FNDC3A: variants seen among roughly 807,000 people sequenced by gnomAD.
FNDC3A encodes the protein fibronectin type-III domain-containing protein 3A.
A neutral mutation model predicts 148.9 loss-of-function variants in FNDC3A; 32 were observed. The observed-to-expected ratio is 0.21, with a 90% CI of 0.16 to 0.29. FNDC3A has a LOEUF of 0.29. Among genes scored for constraint, FNDC3A ranks in the 10% least tolerant of loss-of-function variants. FNDC3A has a pLI of 1.00. For missense variants in FNDC3A, 1,191 were observed against 1,452.8 expected (o/e 0.82, Z 2.93); for synonymous variants, 472 against 473.6 (o/e 1.00, Z 0.04).
intron 3 of FNDC3A, chr13:49,110,417 C>A (rs779481563): frequency 6.5e-7 from 1 of 1,544,914 alleles, no homozygotes; most frequent in South Asian, 1.1e-5. Context: ...GTAAGATTTG[C>A]TGTTTTCGAA....
intron 8 of FNDC3A, among the ~76,000 whole-genome samples, chr13:49,150,114 T>C (rs1268773789): frequency 3.3e-5 from 5 of 152,162 alleles, no homozygotes; most frequent in Non-Finnish European, 7.4e-5. Flanking sequence ...TGATTTTTTA[T>C]TTGTTTTAGA....
At position 49,184,542 on chromosome 13, in the gene FNDC3A, G is replaced by A. The variant is rs751776350; in HGVS notation, c.1618-1422G>A. 3.9e-5 allele frequency among the ~76,000 whole-genome samples: 6 copies of A among 152,278 alleles called. No individual in the cohort carries two copies. The East Asian group carries it at 7.7e-4, about 20-fold the overall frequency. ...ATGTCTCCTTTTTGTAAGGTCAACC[G>A]AGAGGAAGAATAGACCCAAAGTCAG... is the stretch of plus-strand genomic sequence containing the variant. On this transcript the variant is annotated intron_variant, in intron 14 of 25. Coordinates refer to ENST00000492622, the MANE Select transcript of FNDC3A (RefSeq NM_001079673.2).
In FNDC3A at chr13:48,990,720, C is replaced by G. The variant is rs150025402; in HGVS notation, c.-40+14543C>G. Among the ~76,000 whole-genome samples, 14 of 152,062 alleles carry G rather than the reference C, an allele frequency of 9.2e-5. No individual in the cohort carries two copies. In the East Asian group the frequency reaches 2.5e-3, roughly 27 times the overall value. On this transcript the variant is annotated intron_variant, in intron 1 of 25. Coordinates refer to ENST00000492622, the MANE Select transcript of FNDC3A (RefSeq NM_001079673.2). ...GAGATTGCAGTGAGCTGAGATCACA[C>G]CACTGCATTCTAGCCTGGGCAATAG...
intron 2 of FNDC3A, among the ~76,000 whole-genome samples, chr13:49,011,319 C>T (rs1423481272): frequency 2.6e-5 from 4 of 151,874 alleles, no homozygotes; most frequent in Non-Finnish European, 4.4e-5. Context: ...CTGCAACCTC[C>T]GCCTCCCAGG....
chr13:49,030,533 C>T (rs1353295416), intron 2 of FNDC3A, among the ~76,000 whole-genome samples: 1 of 151,992 alleles, frequency 6.6e-6, no homozygotes, highest in Non-Finnish European at 1.5e-5. Flanking sequence ...AAATAAGTAA[C>T]TAAAGGAATT....
At chr13:49,131,470 A>G in intron 5 of FNDC3A, 96 bp downstream of exon 5, 1 of 911,424 alleles carries the variant, frequency 1.1e-6, no homozygotes, top group Non-Finnish European at 1.8e-6. Context: ...AAAAACAGCA[A>G]ATGGTAATGA....
intron 3 of FNDC3A, among the ~76,000 whole-genome samples, chr13:49,105,032 A>G (rs977440711): frequency 6.6e-6 from 1 of 152,216 alleles, no homozygotes; most frequent in Non-Finnish European, 1.5e-5. Context: ...TTTGCAACCA[A>G]TGTAACCGTA....
At position 49,131,258 on chromosome 13, in the gene FNDC3A, T is replaced by C; in HGVS notation, c.374T>C (p.Val125Ala). Reference protein sequence around the residue: ...PHPPLPGFIPVPTMMPPPPRH... With the variant: ...PHPPLPGFIPAPTMMPPPPRH... ...CCTCCTCTACCTGGTTTCATTCCTG[T>C]CCCAACTATGATGCCGCCTCCACCA... The change falls in exon 5 of 26, where the codon GTC (valine) becomes GCC (alanine). Residue 125 changes from valine (V) to alanine (A), a missense_variant. Physicochemically the swap from Val to Ala is moderately conservative, Grantham distance 64. This residue lies in a region of FNDC3A where 426 missense variants were observed against 473.2 expected (regional missense o/e 0.90). Coordinates refer to ENST00000492622, the MANE Select transcript of FNDC3A (RefSeq NM_001079673.2). 6.2e-7 allele frequency: 1 copy of C among 1,614,014 alleles called. No homozygotes were observed. The highest frequency in any genetic ancestry group is 8.5e-7 in the Non-Finnish European group (1 of 1,179,980).
Position 49,006,176 on chromosome 13 carries a change from A to T in FNDC3A, c.-15A>T, listed in dbSNP as rs1313021276. The T allele has an allele frequency of 7.0e-7, 1 of 1,423,656 alleles. No individual in the cohort carries two copies. Among genetic ancestry groups the T allele is most frequent in the Non-Finnish European group, 9.9e-7 (1 of 1,011,774 alleles). The allele number at this position is 1,423,656 out of a possible 1,614,324, so 88.2% of individuals were successfully genotyped here. ...GAATTGGAGCGTTATTCAGTATATT[A>T]ATGTCTTATTGATAATGGCAGAACA... is the stretch of plus-strand genomic sequence containing the variant. On this transcript the variant is annotated 5_prime_UTR_variant, in exon 2 of 26. Coordinates refer to ENST00000492622, the MANE Select transcript of FNDC3A (RefSeq NM_001079673.2).
chr13:49,155,127 G>T (rs1468254834), intron 8 of FNDC3A, among the ~76,000 whole-genome samples: 188 of 148,328 alleles, frequency 1.3e-3, no homozygotes, highest in African/African-American at 4.5e-3. Context: ...GATAGAATTC[G>T]GCTGTGAATC....
chr13:49,185,251 C>T (rs1203204462), intron 14 of FNDC3A, among the ~76,000 whole-genome samples: 1 of 152,060 alleles, frequency 6.6e-6, no homozygotes, highest in Admixed American at 6.5e-5. Flanking sequence ...AACAAATTAT[C>T]CCAAAATTTA....
chr13:49,038,179 T>G (rs566985819), intron 2 of FNDC3A, among the ~76,000 whole-genome samples: 213 of 152,314 alleles, frequency 1.4e-3, no homozygotes, highest in African/African-American at 5.0e-3. Flanking sequence ...CATCTCCTTC[T>G]GGAGCCTGGG....
chr13:49,041,813 C>CAAA (rs771071135), intron 2 of FNDC3A, among the ~76,000 whole-genome samples: 3 of 64,354 alleles, frequency 4.7e-5, no homozygotes, highest in African/African-American at 1.5e-4. Flanking sequence ...GACTCTGTCT[C>CAAA]AAAAAAAAAA....
At chr13:49,147,031 A>C (rs577456261) in intron 8 of FNDC3A, among the ~76,000 whole-genome samples, 2 of 152,292 alleles carry the variant, frequency 1.3e-5, no homozygotes, top group East Asian at 3.9e-4. Flanking sequence ...GAAGAAAGGA[A>C]AGTGAAACTG....
At chr13:49,020,659 A>C (rs1873253972) in intron 2 of FNDC3A, among the ~76,000 whole-genome samples, 1 of 152,198 alleles carries the variant, frequency 6.6e-6, no homozygotes, top group Admixed American at 6.5e-5. Flanking sequence ...CAAACTTGCC[A>C]TCAGTGTTGG....
At chr13:49,179,451 G>T (rs969911967) in intron 14 of FNDC3A, among the ~76,000 whole-genome samples, 16 of 152,070 alleles carry the variant, frequency 1.1e-4, no homozygotes, top group South Asian at 2.1e-4. Context: ...TGTGTACCCT[G>T]TGAGCATCTT....
At chr13:49,172,810 A>G (rs574036867) in intron 11 of FNDC3A, among the ~76,000 whole-genome samples, 2 of 152,300 alleles carry the variant, frequency 1.3e-5, no homozygotes, top group Non-Finnish European at 2.9e-5. Flanking sequence ...CTGGATATTC[A>G]TGGTGGCCAT....
At chr13:49,116,582 G>A (rs1412567662) in intron 4 of FNDC3A, among the ~76,000 whole-genome samples, 1 of 152,150 alleles carries the variant, frequency 6.6e-6, no homozygotes, top group African/African-American at 2.4e-5. Context: ...ATTACCTGAG[G>A]TCAGGAGTTC....
intron 8 of FNDC3A, among the ~76,000 whole-genome samples, chr13:49,153,228 G>A (rs1024337476): frequency 1.3e-4 from 20 of 151,014 alleles, no homozygotes; most frequent in Non-Finnish European, 2.8e-4. Context: ...GTGTGAGATG[G>A]TATCTCATTG....
Sources: allele counts gnomAD v4.1 joint callset (sites outside exome capture counted in the v4.1 genomes callset), GRCh38; gene constraint gnomAD v4.1.1; regional missense constraint gnomAD v4.1.1; transcripts MANE v1.5; gene names NCBI Gene and HGNC (gene_info 2026-07-23, HGNC 2026-07-21).